DHRS4L2: variants seen among roughly 807,000 people sequenced by gnomAD.
DHRS4L2 encodes dehydrogenase/reductase 4 like 2.
A neutral mutation model predicts 23.9 loss-of-function variants in DHRS4L2; 22 were observed. The observed-to-expected ratio is 0.92, with a 90% CI of 0.66 to 1.31. The LOEUF (loss-of-function observed/expected upper bound fraction) is 1.31. DHRS4L2 is among the 40% of genes most tolerant of loss of function. The pLI, the probability that DHRS4L2 is intolerant of heterozygous loss-of-function variation, is 0.00. For missense variants in DHRS4L2, 385 were observed against 303.3 expected (o/e 1.27, Z -2.00); for synonymous variants, 141 against 123.7 (o/e 1.14, Z -0.93).
chr14:24,001,990 T>C (rs1390694698), intron 6 of DHRS4L2, among the ~76,000 whole-genome samples: 1 of 66,266 alleles, frequency 1.5e-5, no homozygotes, highest in Non-Finnish European at 2.3e-5. Context: ...TAATTATTAT[T>C]ATTATTATAC....
intron 1 of DHRS4L2, among the ~76,000 whole-genome samples, chr14:23,989,277 C>G (rs2034216472): frequency 6.6e-6 from 1 of 151,708 alleles, no homozygotes; most frequent in Non-Finnish European, 1.5e-5. Flanking sequence ...TCCCTGCTGC[C>G]TCTGGCACAA....
intron 1 of DHRS4L2, among the ~76,000 whole-genome samples, chr14:23,972,348 T>C (rs2033875585): frequency 6.6e-6 from 1 of 151,858 alleles, no homozygotes; most frequent in Admixed American, 6.6e-5. Flanking sequence ...TAAGGCAGCA[T>C]GTCTGGAGTT....
chr14:23,990,367 G>C lies in DHRS4L2; in HGVS notation c.306+8G>C, dbSNP rs1312717856. On this transcript the variant is annotated splice_region_variant and intron_variant, in intron 2 of 7. Coordinates refer to ENST00000335125, the MANE Select transcript of DHRS4L2 (RefSeq NM_198083.4). ...GAGCGGCTGGTGGCCATGGTGAGCT[G>C]CAGGGAAATGGGCACAGAGCCAGGA... 3.7e-6 allele frequency: 6 copies of C among 1,607,338 alleles called. No individual in the cohort carries two copies. The Admixed American group carries it at 1.0e-4, about 27-fold the overall frequency.
intron 5 of DHRS4L2, 44 bp downstream of exon 5, chr14:24,001,128 C>T (rs2034479756): frequency 1.2e-6 from 2 of 1,609,534 alleles, no homozygotes; most frequent in Non-Finnish European, 1.7e-6. Context: ...CCCTCCACTC[C>T]ACATCTTTCC....
intron 6 of DHRS4L2, among the ~76,000 whole-genome samples, 175 bp from the exon 7 acceptor site, chr14:24,004,162 C>T (rs111598628): frequency 3.5e-5 from 5 of 144,138 alleles, no homozygotes; most frequent in South Asian, 2.2e-4. Context: ...CCCAGCTACT[C>T]GGGAGGCTGA....
At chr14:23,973,504 G>T (rs1195294458) in intron 1 of DHRS4L2, among the ~76,000 whole-genome samples, 1 of 151,946 alleles carries the variant, frequency 6.6e-6, no homozygotes, top group Admixed American at 6.5e-5. Flanking sequence ...GAGGTGCCAA[G>T]AGTGAGCGAG....
At chr14:23,975,722 C>T (rs562903888) in intron 1 of DHRS4L2, among the ~76,000 whole-genome samples, 2 of 151,660 alleles carry the variant, frequency 1.3e-5, no homozygotes, top group Non-Finnish European at 2.9e-5. Flanking sequence ...GGTACCGGTA[C>T]CAAAACATAT....
At chr14:23,986,507 TAAAA>T (rs33932387), upstream of DHRS4L2, among the ~76,000 whole-genome samples, 4 of 133,728 alleles carry the variant, frequency 3.0e-5, no homozygotes, top group Admixed American at 1.4e-4. Context: ...TAAAGTATAA[TAAAA>T]AAAAAAAAAG....
intron 1 of DHRS4L2, among the ~76,000 whole-genome samples, chr14:23,972,186 C>A (rs564717970): frequency 6.6e-6 from 1 of 152,048 alleles, no homozygotes; most frequent in Non-Finnish European, 1.5e-5. Context: ...CGGACCCTCG[C>A]GGTGAGTGTT....
upstream of DHRS4L2, among the ~76,000 whole-genome samples, chr14:23,986,916 C>T (rs1447457482): frequency 1.3e-5 from 2 of 151,556 alleles, no homozygotes; most frequent in African/African-American, 2.4e-5. Context: ...GTCAATAATT[C>T]ATGAGGCTCA....
chr14:23,992,243 G>A (rs190926225), intron 2 of DHRS4L2, among the ~76,000 whole-genome samples: 8 of 151,478 alleles, frequency 5.3e-5, no homozygotes, highest in South Asian at 4.2e-4. Flanking sequence ...TGTTGCTGTC[G>A]TCCAGGTTTA....
chr14:23,990,066 A>G (rs61999799), intron 1 of DHRS4L2, 116 bp from the exon 2 acceptor site: 34,728 of 1,479,598 alleles, frequency 0.023, 819 homozygotes, highest in Non-Finnish European at 0.027. Context: ...CACACGTAGG[A>G]GTTATATAGA....
At chr14:23,970,835 A>G (rs2033841441) in intron 1 of DHRS4L2, among the ~76,000 whole-genome samples, 1 of 152,062 alleles carries the variant, frequency 6.6e-6, no homozygotes, top group African/African-American at 2.4e-5. Flanking sequence ...CAAGAAAATA[A>G]GGTCTGGAAT....
At chr14:23,992,025 G>C (rs1242727093) in intron 2 of DHRS4L2, among the ~76,000 whole-genome samples, 1 of 151,506 alleles carries the variant, frequency 6.6e-6, no homozygotes, top group Non-Finnish European at 1.5e-5. Context: ...GTGAGCCACT[G>C]TGCCCGGCCA....
intron 2 of DHRS4L2, 47 bp from the exon 3 acceptor site, chr14:23,994,985 T>C: frequency 1.9e-6 from 3 of 1,605,416 alleles, no homozygotes; most frequent in East Asian, 4.5e-5. Context: ...TAAATGCACC[T>C]CCCTTACTTA....
chr14:23,993,436 T>A (rs2034309453), intron 2 of DHRS4L2, among the ~76,000 whole-genome samples: 1 of 151,716 alleles, frequency 6.6e-6, no homozygotes, highest in Admixed American at 6.5e-5. Context: ...AGCTAGCAGA[T>A]GGTGTACATT....
chr14:23,982,492 T>G (rs571828283), intron 1 of DHRS4L2, among the ~76,000 whole-genome samples: 1 of 151,430 alleles, frequency 6.6e-6, no homozygotes, highest in Non-Finnish European at 1.5e-5. Flanking sequence ...TCCCTACATA[T>G]AGCCAAGACA....
At chr14:23,999,367 A>AAAAAAAAACAACAAAAC (rs1555330042) in intron 3 of DHRS4L2, among the ~76,000 whole-genome samples, 1 of 116,774 alleles carries the variant, frequency 8.6e-6, no homozygotes, top group Non-Finnish European at 1.8e-5. Flanking sequence ...AAAAAAAAAA[A>AAAAAAAAACAACAAAAC]AAAAAAACAA....
chr14:23,971,957 G>C (rs1594448088), intron 1 of DHRS4L2, among the ~76,000 whole-genome samples: 1 of 152,050 alleles, frequency 6.6e-6, no homozygotes, highest in East Asian at 1.9e-4. Flanking sequence ...CGTCATGACA[G>C]GATCAAATTC....
Sources: gnomAD v4.1 joint callset for allele counts (sites outside exome capture counted in the v4.1 genomes callset) on GRCh38, gnomAD v4.1.1 for gene constraint, MANE v1.5 for transcripts, NCBI Gene and HGNC (gene_info 2026-07-23, HGNC 2026-07-21) for gene names.